Variants in TANC1 observed in about 807,000 individuals in gnomAD.
The protein encoded by TANC1 is protein TANC1.
TANC1 carries 77 observed loss-of-function variants against 149.7 expected under a neutral mutation model. That is an observed-to-expected ratio of 0.51 (90% CI 0.43 to 0.62). The LOEUF (loss-of-function observed/expected upper bound fraction) is 0.62, where lower values mean the gene tolerates loss of function less well. Ranked by LOEUF, TANC1 falls within the 20% of genes least tolerant of loss-of-function variation. The pLI, the probability that TANC1 is intolerant of heterozygous loss-of-function variation, is 0.00. For missense variants in TANC1, 1,985 were observed against 2,321.8 expected (o/e 0.85, Z 2.98); for synonymous variants, 854 against 925.0 (o/e 0.92, Z 1.39).
chr2:159,123,414 G>A (rs962337808), intron 4 of TANC1, among the ~76,000 whole-genome samples: 4 of 152,106 alleles, frequency 2.6e-5, no homozygotes, highest in African/African-American at 9.7e-5. Context: ...TGGCTGGTTA[G>A]GGAGGGGTCG....
chr2:159,053,973 G>C (rs2041659396), intron 2 of TANC1, among the ~76,000 whole-genome samples: 1 of 152,230 alleles, frequency 6.6e-6, no homozygotes, highest in African/African-American at 2.4e-5. Flanking sequence ...TCTCTCAGTG[G>C]AGGCAGGTGT....
chr2:159,167,529 T>C (rs568363456), intron 8 of TANC1, among the ~76,000 whole-genome samples: 12 of 152,314 alleles, frequency 7.9e-5, no homozygotes, highest in African/African-American at 2.6e-4. Context: ...GTCTTTCTAA[T>C]GGGAAAGATT....
chr2:159,197,491 CTT>C (rs2057941760), intron 18 of TANC1, among the ~76,000 whole-genome samples: 1 of 152,098 alleles, frequency 6.6e-6, no homozygotes, highest in South Asian at 2.1e-4. Context: ...TCTAAAATGA[CTT>C]TAGTAAATTC....
Position 159,215,340 on chromosome 2 carries a change from G to A in TANC1, c.3245-2157G>A, listed in dbSNP as rs75052583. Among the ~76,000 whole-genome samples the A allele has an allele frequency of 3.9e-5, 6 of 152,238 alleles. No homozygotes were observed. In the East Asian group the frequency reaches 5.8e-4, roughly 15 times the overall value. ...CTGCACCATGGCCCTAAGGACAGTC[G>A]GTAGAGACTGTTCAGTAGGAGAGCT... On this transcript the variant is annotated intron_variant, in intron 19 of 26. Coordinates refer to ENST00000263635, the MANE Select transcript of TANC1 (RefSeq NM_033394.3).
chr2:159,113,753 T>TG (rs2047981427), intron 4 of TANC1, among the ~76,000 whole-genome samples: 1 of 152,198 alleles, frequency 6.6e-6, no homozygotes, highest in Non-Finnish European at 1.5e-5. Flanking sequence ...TCCCGATTAC[T>TG]GGGGAAGCAG....
At chr2:159,135,202 T>A (rs567584360) in intron 4 of TANC1, among the ~76,000 whole-genome samples, 159 of 152,348 alleles carry the variant, frequency 1.0e-3, no homozygotes, top group African/African-American at 3.7e-3. Context: ...ATCATGTAGA[T>A]CCTTTGTGAC....
intron 4 of TANC1, among the ~76,000 whole-genome samples, chr2:159,106,126 A>G (rs2149987660): frequency 6.6e-6 from 1 of 152,330 alleles, no homozygotes; most frequent in East Asian, 1.9e-4. Flanking sequence ...TTATTGAGAT[A>G]TAATTTACAT....
chr2:158,996,247 C>A (rs1010476494), intron 1 of TANC1, among the ~76,000 whole-genome samples: 1 of 152,092 alleles, frequency 6.6e-6, no homozygotes, highest in Non-Finnish European at 1.5e-5. Context: ...GTAGTCCCAG[C>A]CACTCGTGAG....
At chr2:159,193,422 A>G (rs2057613054) in intron 16 of TANC1, among the ~76,000 whole-genome samples, 1 of 152,254 alleles carries the variant, frequency 6.6e-6, no homozygotes, top group Non-Finnish European at 1.5e-5. Flanking sequence ...TGCAATTAAC[A>G]TGAGGGTACA....
At chr2:159,057,953 C>T (rs531199259) in intron 2 of TANC1, among the ~76,000 whole-genome samples, 5 of 152,170 alleles carry the variant, frequency 3.3e-5, no homozygotes, top group African/African-American at 7.2e-5. Flanking sequence ...TCTAGTTAGC[C>T]GTGTTTTGCT....
chr2:159,056,154 A>G (rs979534458), intron 2 of TANC1: 2 of 249,566 alleles, frequency 8.0e-6, no homozygotes, highest in Non-Finnish European at 1.7e-5. Context: ...TCAAACATGC[A>G]CTTTTGATCC....
intron 2 of TANC1, among the ~76,000 whole-genome samples, chr2:159,049,242 G>T (rs1338097638): frequency 2.0e-5 from 3 of 152,174 alleles, no homozygotes; most frequent in Non-Finnish European, 1.5e-5. Context: ...AAATTTAGGG[G>T]CAGTGCTGTG....
chr2:159,226,579 A>G (rs1213803076), intron 24 of TANC1: 3 of 152,228 alleles, frequency 2.0e-5, no homozygotes, highest in Non-Finnish European at 4.4e-5. Flanking sequence ...TACTTAATAC[A>G]GTCAAGTAAT....
rs1342310020 is a variant in TANC1 at position 159,105,080 on chromosome 2, C to T, written c.259+7246C>T. On this transcript the variant is annotated intron_variant, in intron 4 of 26. Transcript: ENST00000263635. ...TGTGATCTGGGCTCACTGCAAGCTC[C>T]GCCTCCCAGGTTCACGCCATTCTCC... Among the ~76,000 whole-genome samples the T allele has an allele frequency of 4.6e-5, 6 of 131,334 alleles. No individual in the cohort carries two copies. The South Asian group carries it at 7.8e-4, about 17-fold the overall frequency. 86.2% of individuals were successfully genotyped at this position (131,334 alleles called of 152,430 possible). A position where few individuals can be genotyped will look rare whatever the true frequency, so the allele number is the denominator to read the frequency against.
At position 159,125,174 on chromosome 2, in the gene TANC1, C is replaced by T. The variant is rs778576743; in HGVS notation, c.260-11020C>T. On this transcript the variant is annotated intron_variant, in intron 4 of 26. Transcript: ENST00000263635. Reference sequence around the variant, plus strand: ...AGGCTTAGGTGGAGTTCTGCCCATACAGATTTATTAGTAGGCTGTCACAGC... The same window carrying T: ...AGGCTTAGGTGGAGTTCTGCCCATATAGATTTATTAGTAGGCTGTCACAGC... 1.1e-3 allele frequency among the ~76,000 whole-genome samples: 87 copies of T among 77,260 alleles called. 2 individuals carry two copies. Among genetic ancestry groups the T allele is most frequent in the Middle Eastern group, 0.012 (2 of 168 alleles). 50.7% of individuals were successfully genotyped at this position (77,260 alleles called of 152,430 possible).
chr2:158,976,618 T>C (rs996852542), intron 1 of TANC1, among the ~76,000 whole-genome samples: 3 of 152,208 alleles, frequency 2.0e-5, no homozygotes, highest in African/African-American at 7.2e-5. Flanking sequence ...CGGTGACTCA[T>C]GCCTGTAATC....
intron 16 of TANC1, among the ~76,000 whole-genome samples, chr2:159,192,033 A>G (rs2057484065): frequency 1.3e-5 from 2 of 152,164 alleles, no homozygotes; most frequent in Non-Finnish European, 2.9e-5. Context: ...GAAAAAAAAA[A>G]TATTATTATA....
rs977296084 is a variant in TANC1 at position 159,044,387 on chromosome 2, C to T, written c.-15-21509C>T. Among the ~76,000 whole-genome samples, 119 of 152,144 alleles carry T rather than the reference C, an allele frequency of 7.8e-4. 1 individual carries two copies. The highest frequency in any genetic ancestry group is 2.7e-3 in the African/African-American group (110 of 41,506). The stretch of plus-strand genomic sequence containing the variant: ...CAGGAGATTGAGGCTGCAGTGAGCT[C>T]TGATGGCGCCACTGTACTCCAGCCT... On this transcript the variant is annotated intron_variant, in intron 2 of 26. Coordinates refer to ENST00000263635, the MANE Select transcript of TANC1 (RefSeq NM_033394.3).
chr2:159,123,593 C>T (rs2049083510), intron 4 of TANC1, among the ~76,000 whole-genome samples: 1 of 152,144 alleles, frequency 6.6e-6, no homozygotes, highest in Non-Finnish European at 1.5e-5. Context: ...TCTGTGGTAG[C>T]CACTGTACTG....
Sources: allele counts gnomAD v4.1 joint callset (sites outside exome capture counted in the v4.1 genomes callset), GRCh38; gene constraint gnomAD v4.1.1; transcripts MANE v1.5; gene names NCBI Gene and HGNC (gene_info 2026-07-23, HGNC 2026-07-21).